The following ZNF710 variants were observed in gnomAD, a reference collection of about 807,000 sequenced individuals.
The protein encoded by ZNF710 is zinc finger protein 710.
ZNF710 carries 13 observed loss-of-function variants against 50.6 expected under a neutral mutation model. That is an observed-to-expected ratio of 0.26 (90% confidence interval 0.17 to 0.41). The LOEUF is 0.41. Ranked by LOEUF, ZNF710 falls within the 10% of genes least tolerant of loss-of-function variation. ZNF710 has a pLI of 1.00. For missense variants in ZNF710, 721 were observed against 936.6 expected (o/e 0.77, Z 3.01); for synonymous variants, 383 against 397.0 (o/e 0.96, Z 0.42).
intron 1 of ZNF710, among the ~76,000 whole-genome samples, chr15:90,046,991 A>G (rs1244588638): frequency 6.6e-6 from 1 of 152,210 alleles, no homozygotes; most frequent in Non-Finnish European, 1.5e-5. Flanking sequence ...GCAACCCGGA[A>G]GCTGCCAGGG....
intron 1 of ZNF710, among the ~76,000 whole-genome samples, chr15:90,003,615 C>T (rs1436711141): frequency 6.6e-6 from 1 of 152,208 alleles, no homozygotes; most frequent in Non-Finnish European, 1.5e-5. Context: ...AGATAAGAGA[C>T]AGTGTATTCC....
chr15:89,999,369 T>G (rs1314228024), upstream of ZNF710, among the ~76,000 whole-genome samples: 1 of 152,242 alleles, frequency 6.6e-6, no homozygotes, highest in Non-Finnish European at 1.5e-5. Context: ...GGGTAGGTAC[T>G]CAGTAGGCAT....
At chr15:90,069,825 TC>T (rs1476693392) in intron 2 of ZNF710, among the ~76,000 whole-genome samples, 1 of 151,940 alleles carries the variant, frequency 6.6e-6, no homozygotes, top group East Asian at 1.9e-4. Flanking sequence ...TGCCCTCCAT[TC>T]CCCGCCTTCA....
At chr15:90,042,187 G>A (rs570550095) in intron 1 of ZNF710, among the ~76,000 whole-genome samples, 4 of 152,078 alleles carry the variant, frequency 2.6e-5, no homozygotes, top group Non-Finnish European at 5.9e-5. Context: ...GAGAGCCACC[G>A]TGCCCGGCCC....
At chr15:90,048,336 A>C (rs1053434360) in intron 1 of ZNF710, among the ~76,000 whole-genome samples, 1 of 152,024 alleles carries the variant, frequency 6.6e-6, no homozygotes, top group African/African-American at 2.4e-5. Context: ...TCACTTTGGC[A>C]CCCAGAGCTG....
At chr15:90,001,286 A>G (rs1380764764), upstream of ZNF710, 1 of 152,186 alleles carries the variant, frequency 6.6e-6, no homozygotes, top group Non-Finnish European at 1.5e-5. Flanking sequence ...TGAGAAAACA[A>G]AAGAGAGATA....
intron 1 of ZNF710, among the ~76,000 whole-genome samples, chr15:90,058,701 T>TATATATATATATATATATATATATA (rs1567236919): frequency 2.4e-4 from 35 of 143,566 alleles, no homozygotes; most frequent in South Asian, 6.5e-4. Context: ...CACTATATAT[T>TATATATATATATATATATATATATA]TATATATATA....
At chr15:90,038,066 C>T (rs1899183577) in intron 1 of ZNF710, among the ~76,000 whole-genome samples, 1 of 152,220 alleles carries the variant, frequency 6.6e-6, no homozygotes, top group Non-Finnish European at 1.5e-5. Flanking sequence ...CCCCTCGACC[C>T]GCAGTCGGCT....
intron 1 of ZNF710, among the ~76,000 whole-genome samples, chr15:90,048,687 G>C (rs190924171): frequency 9.6e-4 from 147 of 152,346 alleles, no homozygotes; most frequent in African/African-American, 3.4e-3. Context: ...GTTGGATCTT[G>C]TACTTCGTTT....
chr15:90,067,835 G>A lies in ZNF710; in HGVS notation c.698G>A (p.Ser233Asn), dbSNP rs1189473506. ...CCCCTGAGTGACCCCGAGGCCCCCA[G>A]CATGGAGTCCCCGGAGCCTGTCAAG... ...LAPLSDPEAP[S>N]MESPEPVKPE... The change falls in exon 2 of 5, where the codon AGC (serine) becomes AAC (asparagine). Residue 233 changes from serine (S) to asparagine (N), a missense_variant. Physicochemically the swap from Ser to Asn is conservative, Grantham distance 46. This residue lies in a region of ZNF710 where 326 missense variants were observed against 347.1 expected (regional missense o/e 0.94). Transcript: ENST00000268154. This position sits in a 1 kb window ranked among gnomAD's most constrained non-coding sequence, Gnocchi z 8.1. 8 of 1,592,798 alleles carry A rather than the reference G, an allele frequency of 5.0e-6. No homozygotes were observed. Among genetic ancestry groups the A allele is most frequent in the Non-Finnish European group, 6.8e-6 (8 of 1,167,970 alleles).
intron 1 of ZNF710, among the ~76,000 whole-genome samples, chr15:90,044,065 AAAC>A (rs749016789): frequency 2.0e-5 from 3 of 152,202 alleles, no homozygotes; most frequent in Non-Finnish European, 1.5e-5. Context: ...TAAATGTGTA[AAAC>A]AACAACAACA....
chr15:89,998,857 G>GC (rs1221672768), upstream of ZNF710, among the ~76,000 whole-genome samples: 1 of 152,146 alleles, frequency 6.6e-6, no homozygotes, highest in Non-Finnish European at 1.5e-5. Context: ...CTTCTTACCT[G>GC]CATTTTATAT....
At position 90,032,775 on chromosome 15, in the gene ZNF710, CA is replaced by C. The variant is rs35943176; in HGVS notation, c.-29+31180del. On this transcript the variant is annotated intron_variant, in intron 1 of 4. Transcript: ENST00000268154. ...CCTGGGCAAGAGTGAGATTCCATCT[CA>C]AAAAAAAAAAAAAAAAAAGAATGTG... 3.4e-3 allele frequency among the ~76,000 whole-genome samples: 373 copies of C among 111,202 alleles called. 3 individuals are homozygous for C. Among genetic ancestry groups the C allele is most frequent in the African/African-American group, 0.01 (321 of 30,910 alleles). The allele number at this position is 111,202 out of a possible 152,430, so 73.0% of individuals were successfully genotyped here.
chr15:90,031,494 C>CT (rs1433850521), intron 1 of ZNF710, among the ~76,000 whole-genome samples: 1 of 152,206 alleles, frequency 6.6e-6, no homozygotes, highest in Non-Finnish European at 1.5e-5. Context: ...AATCGGAAGA[C>CT]TAGAGAGGTT....
chr15:90,035,746 G>A (rs940445381), intron 1 of ZNF710, among the ~76,000 whole-genome samples: 11 of 152,354 alleles, frequency 7.2e-5, no homozygotes, highest in Non-Finnish European at 1.3e-4. Flanking sequence ...TCCTGCACCC[G>A]CCTTCTAGCA....
chr15:90,009,803 T>G (rs2151462520), intron 1 of ZNF710, among the ~76,000 whole-genome samples: 1 of 151,932 alleles, frequency 6.6e-6, no homozygotes, highest in South Asian at 2.1e-4. Flanking sequence ...CCTTGCCAGC[T>G]CAACAACAGT....
At chr15:90,045,422 T>G in intron 1 of ZNF710, 1 of 984,620 alleles carries the variant, frequency 1.0e-6, no homozygotes, top group Non-Finnish European at 1.2e-6. Flanking sequence ...GTTGCGGACC[T>G]GGGTAAGGGT....
chr15:90,074,372 T>G, intron 4 of ZNF710, 82 bp downstream of exon 4: 1 of 1,587,948 alleles, frequency 6.3e-7, no homozygotes, highest in Non-Finnish European at 8.5e-7. Context: ...GTTAGAGGAG[T>G]GGGGAGGCTG....
chr15:90,005,534 C>G (rs1898118937), intron 1 of ZNF710, among the ~76,000 whole-genome samples: 1 of 152,168 alleles, frequency 6.6e-6, no homozygotes, highest in African/African-American at 2.4e-5. Flanking sequence ...CTGCAACCTT[C>G]GCCTCCTGGC....
Sources: gnomAD v4.1 joint callset for allele counts (sites outside exome capture counted in the v4.1 genomes callset) on GRCh38, gnomAD v4.1.1 for gene constraint, gnomAD v4.1.1 regional missense constraint, Gnocchi (gnomAD v3.1) non-coding constraint, MANE v1.5 for transcripts, NCBI Gene and HGNC (gene_info 2026-07-23, HGNC 2026-07-21) for gene names.